Variants in FBLN7 observed in about 807,000 individuals in gnomAD.
The protein encoded by FBLN7 is fibulin 7.
A neutral mutation model predicts 44.0 loss-of-function variants in FBLN7; 31 were observed. The ratio of observed to expected loss-of-function variants is 0.70; its 90% CI spans 0.53 to 0.95. The LOEUF (loss-of-function observed/expected upper bound fraction) is 0.95. Ranked by LOEUF, FBLN7 falls within the 40% of genes least tolerant of loss-of-function variation. FBLN7 has a pLI of 0.00. For missense variants in FBLN7, 573 were observed against 618.5 expected (o/e 0.93, Z 0.78); for synonymous variants, 262 against 253.4 (o/e 1.03, Z -0.32).
chr2:112,195,946 G>A, the FBLN7 span, among the ~76,000 whole-genome samples: 18 of 152,282 alleles, frequency 1.2e-4, no homozygotes, highest in Admixed American at 2.6e-4. Context: ...CTGTGCCCTC[G>A]TGGGAGGGCA....
At chr2:112,239,712 G>A in the FBLN7 span, among the ~76,000 whole-genome samples, 24 of 150,740 alleles carry the variant, frequency 1.6e-4, no homozygotes, top group Non-Finnish European at 1.0e-4. Context: ...AGCCTCCCGA[G>A]TAGCTGGGAC....
the FBLN7 span, among the ~76,000 whole-genome samples, chr2:112,223,177 C>A: frequency 6.6e-6 from 1 of 151,760 alleles, no homozygotes; most frequent in South Asian, 2.1e-4. Context: ...TTAACAGGTG[C>A]AGCACACCAA....
chr2:112,232,881 C>T, the FBLN7 span, among the ~76,000 whole-genome samples: 1 of 152,150 alleles, frequency 6.6e-6, no homozygotes, highest in Non-Finnish European at 1.5e-5. Context: ...CTACACAGTA[C>T]AGAATACACA....
At chr2:112,231,781 G>T in the FBLN7 span, 4 of 1,132,512 alleles carry the variant, frequency 3.5e-6, no homozygotes, top group Non-Finnish European at 5.0e-6. Flanking sequence ...CTCATCCTTA[G>T]TTCAAACATA....
chr2:112,192,890 A>G (rs1683534179), downstream of FBLN7, among the ~76,000 whole-genome samples: 2 of 152,334 alleles, frequency 1.3e-5, no homozygotes, highest in Non-Finnish European at 2.9e-5. Context: ...TACAGTGGAT[A>G]AGATTGCTGA....
At chr2:112,236,868 C>T in the FBLN7 span, among the ~76,000 whole-genome samples, 1 of 152,082 alleles carries the variant, frequency 6.6e-6, no homozygotes, top group Non-Finnish European at 1.5e-5. Context: ...GTGTTCAAGG[C>T]CAGCCTAGGC....
the FBLN7 span, chr2:112,212,489 C>T: frequency 8.5e-5 from 13 of 152,202 alleles, no homozygotes; most frequent in Non-Finnish European, 1.5e-4. Context: ...CTTCTTAGTT[C>T]ACATTTATTA....
chr2:112,139,478 T>C (rs371736721), intron 1 of FBLN7, among the ~76,000 whole-genome samples: 176 of 2,002 alleles, frequency 0.088, 9 homozygotes, highest in African/African-American at 0.15. Flanking sequence ...CTCTCCAGGC[T>C]AGTGTCCCTC....
At chr2:112,170,533 GAAA>G (rs199582472) in intron 3 of FBLN7, among the ~76,000 whole-genome samples, 1 of 76,826 alleles carries the variant, frequency 1.3e-5, no homozygotes. Flanking sequence ...TCTCGAAAGT[GAAA>G]AAAAAAAAAA....
intron 2 of FBLN7, among the ~76,000 whole-genome samples, chr2:112,160,836 G>GCACGCGCGCGCACA (rs1681822464): frequency 8.2e-6 from 1 of 121,790 alleles, no homozygotes; most frequent in South Asian, 2.6e-4. Context: ...ACGCATACAC[G>GCACGCGCGCGCACA]CACGCACACG....
At chr2:112,199,180 G>A in the FBLN7 span, among the ~76,000 whole-genome samples, 9 of 152,120 alleles carry the variant, frequency 5.9e-5, no homozygotes, top group African/African-American at 9.7e-5. Flanking sequence ...AGGTCAAGGC[G>A]GTCCCCCTGA....
intron 2 of FBLN7, among the ~76,000 whole-genome samples, chr2:112,164,097 A>G (rs1001605689): frequency 6.6e-6 from 1 of 152,112 alleles, no homozygotes; most frequent in Non-Finnish European, 1.5e-5. Context: ...ACACTTCGCC[A>G]TTGCTTATTA....
At chr2:112,235,988 C>G in the FBLN7 span, among the ~76,000 whole-genome samples, 1 of 151,066 alleles carries the variant, frequency 6.6e-6, no homozygotes, top group African/African-American at 2.4e-5. Flanking sequence ...TGGCTCATGC[C>G]TGTAATCCCA....
At chr2:112,203,016 C>T in the FBLN7 span, among the ~76,000 whole-genome samples, 51 of 152,074 alleles carry the variant, frequency 3.4e-4, 3 homozygotes, top group Non-Finnish European at 1.5e-4. Context: ...CCAGAGCCAA[C>T]AAGAGGCTGA....
downstream of FBLN7, among the ~76,000 whole-genome samples, chr2:112,193,186 A>G (rs1413492462): frequency 6.6e-6 from 1 of 152,180 alleles, no homozygotes; most frequent in Non-Finnish European, 1.5e-5. Flanking sequence ...CACACCTGTA[A>G]TCCCAGCTCT....
downstream of FBLN7, chr2:112,190,245 A>G (rs1161598103): frequency 2.0e-5 from 3 of 152,218 alleles, no homozygotes; most frequent in Non-Finnish European, 2.9e-5. Context: ...GGAGCAAAAT[A>G]TCTGGTTGCC....
At position 112,174,547 on chromosome 2, in the gene FBLN7, AAGG is replaced by A. The variant is rs540284269; in HGVS notation, c.407-1163_407-1161del. On this transcript the variant is annotated intron_variant, in intron 3 of 7. Coordinates refer to ENST00000331203, the MANE Select transcript of FBLN7 (RefSeq NM_153214.3). ...CAGGAAAGGCTGCTTTTATGCCAAC[AAGG>A]AGGTGTTTTCAGTTTTCTTTCCGAA... is the stretch of plus-strand genomic sequence containing the variant. Among the ~76,000 whole-genome samples the A allele has an allele frequency of 4.3e-3, 656 of 152,312 alleles. 5 individuals are homozygous for A. The highest frequency in any genetic ancestry group is 0.015 in the African/African-American group (629 of 41,562).
At chr2:112,226,949 T>C in the FBLN7 span, among the ~76,000 whole-genome samples, 2 of 152,202 alleles carry the variant, frequency 1.3e-5, no homozygotes, top group Non-Finnish European at 2.9e-5. Flanking sequence ...GGAAAAATTA[T>C]ATGGTCATCT....
chr2:112,181,845 G>T lies in FBLN7; in HGVS notation c.639G>T (p.Leu213=). The T allele has an allele frequency of 6.5e-7, 1 of 1,526,856 alleles. No homozygotes were observed. Among genetic ancestry groups the T allele is most frequent in the Non-Finnish European group, 8.8e-7 (1 of 1,142,674 alleles). 94.6% of individuals were successfully genotyped at this position (1,526,856 alleles called of 1,614,324 possible). Residue 213 remains leucine, a synonymous_variant, in exon 5 of 8, where the codon CTG becomes CTT. Coordinates refer to ENST00000331203, the MANE Select transcript of FBLN7 (RefSeq NM_153214.3). The part of the protein sequence containing the change: ...QHCSCEAGFH[L]SGAAGDSVCQ... ...GCAGCTGCGAGGCCGGATTCCACCT[G>T]AGCGGCGCCGCCGGCGACAGCGTCT...
Sources: allele counts gnomAD v4.1 joint callset (sites outside exome capture counted in the v4.1 genomes callset), GRCh38; gene constraint gnomAD v4.1.1; transcripts MANE v1.5; gene names NCBI Gene and HGNC (gene_info 2026-07-23, HGNC 2026-07-21).